Variants in SGK2 observed in about 807,000 individuals in gnomAD.
SGK2 encodes serum/glucocorticoid regulated kinase 2.
In SGK2, 36 loss-of-function variants were observed where a neutral mutation model predicts 47.5. That is an observed-to-expected ratio of 0.76 (90% CI 0.58 to 1.00). The LOEUF (loss-of-function observed/expected upper bound fraction) is 1.00, where lower values mean the gene tolerates loss of function less well. SGK2 is among the 50% of genes least tolerant of loss of function. SGK2 has a pLI of 0.00. For missense variants in SGK2, 404 were observed against 467.4 expected, an observed-to-expected ratio of 0.86 and a Z score of 1.25; for synonymous variants, 157 against 181.9, an observed-to-expected ratio of 0.86 and a Z score of 1.10.
chr20:43,584,780 C>T, intron 12 of SGK2, 72 bp from the exon 13 acceptor site: 1 of 1,279,604 alleles, frequency 7.8e-7, no homozygotes, highest in Non-Finnish European at 1.1e-6. Flanking sequence ...TGACATCCCT[C>T]TCTGAGGATC....
rs760664168 is a variant in SGK2, at chr20:43,575,013, G to A, written c.693+9G>A. On this transcript the variant is annotated intron_variant, in intron 10 of 12. Transcript: ENST00000373100. ...AGATGCTCCATGGCCTGGTGAGTCAGGGGTAGCCATCTACAAGGGCCATCT... is the reference window on the plus strand; with the variant it reads ...AGATGCTCCATGGCCTGGTGAGTCAAGGGTAGCCATCTACAAGGGCCATCT... The A allele has an allele frequency of 7.5e-6, 12 of 1,605,120 alleles. No homozygotes were observed. The African/African-American group carries it at 1.6e-4, about 21-fold the overall frequency.
chr20:43,566,673 A>G, intron 2 of SGK2, 142 bp downstream of exon 2: 1 of 621,142 alleles, frequency 1.6e-6, no homozygotes, highest in Non-Finnish European at 2.8e-6. Context: ...GGGTGAATAG[A>G]GTAGAGATTT....
chr20:43,566,145 C>T, intron 1 of SGK2: 1 of 558,946 alleles, frequency 1.8e-6, no homozygotes, highest in Non-Finnish European at 3.2e-6. Flanking sequence ...CCCTGGCCAT[C>T]TTGGACTTCT....
At chr20:43,580,769 A>G (rs1378909507) in intron 12 of SGK2, among the ~76,000 whole-genome samples, 7 of 151,948 alleles carry the variant, frequency 4.6e-5, no homozygotes, top group Non-Finnish European at 1.0e-4. Flanking sequence ...GTAAAACAGA[A>G]AAGTTTAAAG....
intron 5 of SGK2, among the ~76,000 whole-genome samples, chr20:43,568,457 T>C (rs892813106): frequency 3.9e-5 from 6 of 152,064 alleles, no homozygotes; most frequent in Non-Finnish European, 8.8e-5. Flanking sequence ...GTTAGAGGCA[T>C]GAGCTACATG....
At chr20:43,560,529 A>G (rs6030958) in intron 1 of SGK2, among the ~76,000 whole-genome samples, 4,489 of 151,960 alleles carry the variant, frequency 0.03, 209 homozygotes, top group African/African-American at 0.1. Flanking sequence ...AAAATAACCT[A>G]ACCTAAGAAC....
intron 12 of SGK2, among the ~76,000 whole-genome samples, chr20:43,581,259 C>G (rs1279117576): frequency 3.9e-5 from 6 of 151,996 alleles, no homozygotes; most frequent in Non-Finnish European, 8.8e-5. Context: ...TATTATCTTC[C>G]TCCTTTTTTG....
At position 43,562,634 on chromosome 20, in the gene SGK2, G is replaced by A. The variant is rs1020359375; in HGVS notation, c.-24+3475G>A. On this transcript the variant is annotated intron_variant, in intron 1 of 12. Coordinates refer to ENST00000373100, the MANE Select transcript of SGK2 (RefSeq NM_170693.3). ...CGGGTGCCTGTAATCCCAGCTACTC[G>A]GGAGGCTGAGGCAGGAGAATCGCTT... Among the ~76,000 whole-genome samples, 27 of 151,536 alleles carry A rather than the reference G, an allele frequency of 1.8e-4. No homozygotes were observed. The East Asian group carries it at 3.3e-3, about 19-fold the overall frequency.
intron 5 of SGK2, among the ~76,000 whole-genome samples, chr20:43,568,961 G>A (rs1979915450): frequency 6.6e-6 from 1 of 152,178 alleles, no homozygotes; most frequent in Admixed American, 6.5e-5. Flanking sequence ...CAGCGGTGCA[G>A]CTGGCCTTGA....
intron 12 of SGK2, among the ~76,000 whole-genome samples, chr20:43,580,882 GT>G: frequency 6.7e-6 from 1 of 150,212 alleles, no homozygotes. Flanking sequence ...GTTTTGTTTT[GT>G]TTTTTTTCTT....
At chr20:43,566,820 C>A (rs1378626024) in intron 2 of SGK2, among the ~76,000 whole-genome samples, 1 of 143,990 alleles carries the variant, frequency 6.9e-6, no homozygotes, top group African/African-American at 2.6e-5. Context: ...ATTCAATTAG[C>A]ACAACAGCCA....
chr20:43,583,363 G>C (rs1980912870), intron 12 of SGK2: 2 of 1,273,894 alleles, frequency 1.6e-6, no homozygotes, highest in Non-Finnish European at 2.0e-6. Flanking sequence ...CCTACCATTT[G>C]TGAGGTCTTC....
chr20:43,576,203 C>T, intron 10 of SGK2, 21 bp from the exon 11 acceptor site: 9 of 1,612,306 alleles, frequency 5.6e-6, no homozygotes, highest in Non-Finnish European at 7.6e-6. Context: ...GATCCTCCAG[C>T]TGTTCTCCCT....
At chr20:43,579,717 G>A (rs1259477939) in intron 11 of SGK2, among the ~76,000 whole-genome samples, 2 of 152,112 alleles carry the variant, frequency 1.3e-5, no homozygotes, top group Non-Finnish European at 2.9e-5. Flanking sequence ...GCAAAGGGTC[G>A]GTGCCCAGAG....
chr20:43,562,050 A>G (rs1979417452), intron 1 of SGK2, among the ~76,000 whole-genome samples: 1 of 152,092 alleles, frequency 6.6e-6, no homozygotes, highest in African/African-American at 2.4e-5. Flanking sequence ...GAGGCTGAAG[A>G]CTGAGGGAGG....
chr20:43,563,146 A>AAAAAAAAAAAAG (rs1568657518), intron 1 of SGK2, among the ~76,000 whole-genome samples: 4 of 151,982 alleles, frequency 2.6e-5, no homozygotes, highest in African/African-American at 9.6e-5. Flanking sequence ...AAAAAAAAAA[A>AAAAAAAAAAAAG]AAAGAAAGAA....
rs56229314 is a variant in SGK2, at chr20:43,570,667, G to A, written c.411G>A (p.Arg137=). 4.3e-3 allele frequency: 6,869 copies of A among 1,613,450 alleles called. 17 individuals are homozygous for A. The highest frequency in any genetic ancestry group is 5.5e-3 in the Non-Finnish European group (6,440 of 1,179,462). ...GCCGGTTCCTGGAGCCCCGGGCCAGGTTCTACGCTGCTGAGGTGGCCAGCG... is the reference window on the plus strand; with the variant it reads ...GCCGGTTCCTGGAGCCCCGGGCCAGATTCTACGCTGCTGAGGTGGCCAGCG... ...RERRFLEPRA[R]FYAAEVASAI... Residue 137 remains arginine, a synonymous_variant, in exon 7 of 13, where the codon AGG becomes AGA. Coordinates refer to ENST00000373100, the MANE Select transcript of SGK2 (RefSeq NM_170693.3).
intron 1 of SGK2, among the ~76,000 whole-genome samples, chr20:43,564,018 A>G (rs1468971091): frequency 1.3e-5 from 2 of 152,188 alleles, no homozygotes; most frequent in African/African-American, 4.8e-5. Context: ...AGTATACTGT[A>G]GCCACACAGA....
At chr20:43,573,002 C>A (rs1247999297) in intron 9 of SGK2, among the ~76,000 whole-genome samples, 1 of 152,122 alleles carries the variant, frequency 6.6e-6, no homozygotes, top group Non-Finnish European at 1.5e-5. Flanking sequence ...CACTACTGAT[C>A]TGCAGGGTGA....
Sources: allele counts gnomAD v4.1 joint callset (sites outside exome capture counted in the v4.1 genomes callset), GRCh38; gene constraint gnomAD v4.1.1; transcripts MANE v1.5; gene names NCBI Gene and HGNC (gene_info 2026-07-23, HGNC 2026-07-21).